The following DLG2 variants were observed in gnomAD, a reference collection of about 807,000 sequenced individuals.
The protein encoded by DLG2 is disks large homolog 2.
DLG2 carries 45 observed loss-of-function variants against 132.5 expected under a neutral mutation model. The observed-to-expected ratio is 0.34, with a 90% CI of 0.27 to 0.44. DLG2 has a LOEUF of 0.44. Ranked by LOEUF, DLG2 falls within the 20% of genes least tolerant of loss-of-function variation. The pLI, the probability that DLG2 is intolerant of heterozygous loss-of-function variation, is 1.00. For missense variants in DLG2, 1,045 were observed against 1,196.9 expected, an observed-to-expected ratio of 0.87 and a Z score of 1.87; for synonymous variants, 424 against 419.6, an observed-to-expected ratio of 1.01 and a Z score of -0.13.
chr11:84,593,289 A>C (rs2099548509), intron 6 of DLG2, among the ~76,000 whole-genome samples: 1 of 152,188 alleles, frequency 6.6e-6, no homozygotes, highest in African/African-American at 2.4e-5. Flanking sequence ...CAATCCCATT[A>C]CTGGATATAT....
chr11:84,961,211 G>T (rs2052520097), intron 6 of DLG2, among the ~76,000 whole-genome samples: 1 of 151,634 alleles, frequency 6.6e-6, no homozygotes, highest in Admixed American at 6.6e-5. Flanking sequence ...AGAATTTTCA[G>T]CATGGGTCTT....
chr11:83,687,255 G>A (rs546854124), intron 18 of DLG2, among the ~76,000 whole-genome samples: 1 of 152,282 alleles, frequency 6.6e-6, no homozygotes, highest in East Asian at 1.9e-4. Flanking sequence ...AGCAGCCTTA[G>A]GAAATGAGTA....
At chr11:84,340,796 C>A (rs2098510936) in intron 7 of DLG2, among the ~76,000 whole-genome samples, 2 of 149,228 alleles carry the variant, frequency 1.3e-5, no homozygotes, top group Admixed American at 1.3e-4. Context: ...TGAAAGATAC[C>A]AAAATAAAAT....
rs573548551 is a variant in DLG2, at chr11:83,809,293, A to G, written c.1723-22501T>C. On this transcript the variant is annotated intron_variant, in intron 17 of 27. Transcript: ENST00000376104. ...GCAAGCCAGAGGAGCTTGCTCCTGA[A>G]AACTAAAATAGCAAAATTATCTGTG... Among the ~76,000 whole-genome samples, 5 of 152,332 alleles carry G rather than the reference A, an allele frequency of 3.3e-5. No individual in the cohort carries two copies. In the South Asian group the frequency reaches 1.0e-3, roughly 32 times the overall value.
At chr11:85,087,559 C>T (rs2068095060) in intron 6 of DLG2, among the ~76,000 whole-genome samples, 1 of 152,170 alleles carries the variant, frequency 6.6e-6, no homozygotes, top group South Asian at 2.1e-4. Flanking sequence ...AGATCATGGG[C>T]CGGGCGCGGT....
At position 84,715,701 on chromosome 11, in the gene DLG2, C is replaced by G. The variant is rs183626543; in HGVS notation, c.358-180970G>C. On this transcript the variant is annotated intron_variant, in intron 6 of 27. Coordinates refer to ENST00000376104, the MANE Select transcript of DLG2 (RefSeq NM_001142699.3). ...CATGTTATTGCAAATGTAAGGTTAT[C>G]CTTCTTTTCAAAGGTTGGATAATAT... Among the ~76,000 whole-genome samples the G allele has an allele frequency of 3.5e-4, 54 of 152,116 alleles. No homozygotes were observed. The East Asian group carries it at 0.01, about 28-fold the overall frequency.
chr11:84,198,639 A>G (rs2096553752), intron 8 of DLG2, among the ~76,000 whole-genome samples: 2 of 152,206 alleles, frequency 1.3e-5, no homozygotes. Context: ...ATTATCTACA[A>G]TTAGTCAAAT....
chr11:83,520,702 GATAGATAGATAGA>G (rs1565617330), intron 21 of DLG2, among the ~76,000 whole-genome samples: 18 of 82,576 alleles, frequency 2.2e-4, no homozygotes, highest in Non-Finnish European at 3.4e-4. Flanking sequence ...TAGGTAGATA[GATAGATAGATAGA>G]TAGATAGATA....
intron 6 of DLG2, among the ~76,000 whole-genome samples, chr11:84,713,106 G>A (rs1214356982): frequency 1.3e-5 from 2 of 152,096 alleles, no homozygotes; most frequent in African/African-American, 2.4e-5. Flanking sequence ...ATTCAGGTGT[G>A]CATAAATGAC....
chr11:84,572,284 G>T (rs1336463628), intron 6 of DLG2, among the ~76,000 whole-genome samples: 1 of 152,050 alleles, frequency 6.6e-6, no homozygotes, highest in Non-Finnish European at 1.5e-5. Context: ...TTAAGAGGTG[G>T]TGTCTATTAT....
chr11:84,946,415 T>G (rs1195518061), intron 6 of DLG2, among the ~76,000 whole-genome samples: 2 of 152,062 alleles, frequency 1.3e-5, no homozygotes, highest in Admixed American at 1.3e-4. Context: ...AAGAGCTCAT[T>G]AGTCAGCAGG....
intron 6 of DLG2, among the ~76,000 whole-genome samples, chr11:84,927,691 T>C (rs1073986): frequency 0.52 from 78,836 of 151,780 alleles, 21,550 homozygotes; most frequent in East Asian, 0.83. Context: ...AACATTAAAA[T>C]TGAATTTCAT....
At chr11:83,480,402 A>G in intron 22 of DLG2, 1 of 1,535,570 alleles carries the variant, frequency 6.5e-7, no homozygotes, top group South Asian at 1.2e-5. Context: ...CTGGCATTAG[A>G]AGAAACATGT....
In DLG2 at chr11:84,932,999, T is replaced by G. The variant is rs143463325; in HGVS notation, c.357+178662A>C. Among the ~76,000 whole-genome samples, 1,190 of 152,336 alleles carry G rather than the reference T, an allele frequency of 7.8e-3. 8 individuals are homozygous for G. The highest frequency in any genetic ancestry group is 0.012 in the Non-Finnish European group (836 of 68,032). On this transcript the variant is annotated intron_variant, in intron 6 of 27. Transcript: ENST00000376104. Reference sequence around the variant, plus strand: ...CACCAACAGTGTAAACGCATTCCTATTTCTCCACAGCCTCACCAGCATCTA... The same window carrying G: ...CACCAACAGTGTAAACGCATTCCTAGTTCTCCACAGCCTCACCAGCATCTA...
At chr11:85,122,374 A>G (rs2074424007) in intron 5 of DLG2, among the ~76,000 whole-genome samples, 1 of 152,214 alleles carries the variant, frequency 6.6e-6, no homozygotes, top group Non-Finnish European at 1.5e-5. Flanking sequence ...GGAAGTTGAG[A>G]GGTATTCCAG....
chr11:83,535,963 C>G (rs2095867573), intron 20 of DLG2, among the ~76,000 whole-genome samples: 1 of 152,158 alleles, frequency 6.6e-6, no homozygotes, highest in Non-Finnish European at 1.5e-5. Context: ...TCTCTGACAG[C>G]TAACTTCAGT....
At chr11:83,784,839 G>A (rs2094977506) in intron 18 of DLG2, among the ~76,000 whole-genome samples, 1 of 152,124 alleles carries the variant, frequency 6.6e-6, no homozygotes. Context: ...CTTATCGTCT[G>A]CAGAATTGTT....
chr11:85,415,792 T>C (rs2089783949), intron 3 of DLG2, among the ~76,000 whole-genome samples: 1 of 152,144 alleles, frequency 6.6e-6, no homozygotes, highest in Non-Finnish European at 1.5e-5. Flanking sequence ...TTTCTCCCAT[T>C]CTGTAGGTTG....
At chr11:84,037,335 A>G (rs2095894501) in intron 11 of DLG2, among the ~76,000 whole-genome samples, 1 of 152,140 alleles carries the variant, frequency 6.6e-6, no homozygotes, top group African/African-American at 2.4e-5. Context: ...CAAAGCATGA[A>G]CACCTGGGAA....
Sources: gnomAD v4.1 joint callset for allele counts (sites outside exome capture counted in the v4.1 genomes callset) on GRCh38, gnomAD v4.1.1 for gene constraint, MANE v1.5 for transcripts, NCBI Gene and HGNC (gene_info 2026-07-23, HGNC 2026-07-21) for gene names.